Variants in NKPD1 observed in about 807,000 individuals in gnomAD.
NKPD1 encodes NTPase KAP family P-loop domain-containing protein 1.
In NKPD1, 37 loss-of-function variants were observed where a neutral mutation model predicts 42.2. That is an observed-to-expected ratio of 0.88 (90% CI 0.67 to 1.15). NKPD1 has a LOEUF of 1.15. Among genes scored for constraint, NKPD1 ranks in the 50% most tolerant of loss-of-function variants. The pLI, the probability that NKPD1 is intolerant of heterozygous loss-of-function variation, is 0.00. For missense variants in NKPD1, 1,113 were observed against 1,174.6 expected, an observed-to-expected ratio of 0.95 and a Z score of 0.77; for synonymous variants, 552 against 536.5, an observed-to-expected ratio of 1.03 and a Z score of -0.40.
Position 45,160,176 on chromosome 19 carries a change from G to A in NKPD1, c.-26C>T. The A allele has an allele frequency of 7.8e-7, 1 of 1,280,916 alleles. No homozygotes were observed. Among genetic ancestry groups the A allele is most frequent in the Non-Finnish European group, 1.0e-6 (1 of 967,676 alleles). 79.3% of individuals were successfully genotyped at this position (1,280,916 alleles called of 1,614,324 possible). ...GGCAGCCGGGCAGCTGGGTGCTGGG[G>A]GCCTGCTCCTGAGGCAGGAGGGAGC... On this transcript the variant is annotated 5_prime_UTR_variant, in exon 2 of 5. Coordinates refer to ENST00000686631, the MANE Select transcript of NKPD1 (RefSeq NM_198478.4).
intron 3 of NKPD1, among the ~76,000 whole-genome samples, chr19:45,156,857 A>T (rs530806790): frequency 2.8e-4 from 43 of 152,326 alleles, no homozygotes; most frequent in African/African-American, 1.0e-3. Flanking sequence ...ACCTGGCGGC[A>T]GAGCCAGGAG....
rs771847786 is a variant in NKPD1, at chr19:45,151,998, C to T, written c.2439G>A (p.Lys813=). Residue 813 remains lysine (K), a synonymous_variant, in exon 5 of 5, where the codon AAG becomes AAA. Coordinates refer to ENST00000686631, the MANE Select transcript of NKPD1 (RefSeq NM_198478.4). ...AGAGCGCACAGGCCACCGGCCATAG[C>T]TTGCCCCTGTGGGCCAAGTCCCCAG... is the stretch of plus-strand genomic sequence containing the variant. ...HHTGDLAHRG[K]LWPVACALFR... 3.4e-5 allele frequency: 54 copies of T among 1,609,628 alleles called. No homozygotes were observed. In the East Asian group the frequency reaches 1.2e-3, roughly 36 times the overall value.
In NKPD1 at chr19:45,152,982, C is replaced by A. The variant is rs768183003; in HGVS notation, c.1455G>T (p.Ala485=). The A allele has an allele frequency of 1.9e-6, 3 of 1,585,096 alleles. No individual in the cohort carries two copies. Among genetic ancestry groups the A allele is most frequent in the Non-Finnish European group, 2.6e-6 (3 of 1,164,852 alleles). Residue 485 remains alanine, a synonymous_variant, in exon 5 of 5, where the codon GCG becomes GCT. Coordinates refer to ENST00000686631, the MANE Select transcript of NKPD1 (RefSeq NM_198478.4). ...AINTLLSDSH[A]PFIFILVVDP... is the part of the protein sequence containing the mutation. ...CCACGACCAGGATGAAGATGAAGGG[C>A]GCGTGGCTGTCGGACAGCAGCGTGT...
chr19:45,155,756 C>T (rs762637872), intron 4 of NKPD1, 29 bp downstream of exon 4: 14 of 1,284,522 alleles, frequency 1.1e-5, no homozygotes, highest in Admixed American at 2.3e-5. Flanking sequence ...TTCTCATCCT[C>T]CCCCCAACAA....
In NKPD1 at chr19:45,158,243, G is replaced by A. The variant is rs7259404; in HGVS notation, c.529+420C>T. ...TTCCCATTGCTGACCTTTGCTCTCC[G>A]TTCCCCAGGCTACTCCCTAGCTCTG... On this transcript the variant is annotated intron_variant, in intron 3 of 4. Coordinates refer to ENST00000686631, the MANE Select transcript of NKPD1 (RefSeq NM_198478.4). This position sits in a 1 kb window ranked among gnomAD's most constrained non-coding sequence, Gnocchi z 4.6. Among the ~76,000 whole-genome samples the A allele has an allele frequency of 8.4e-3, 1,284 of 152,298 alleles. 24 individuals are homozygous for A. Among genetic ancestry groups the A allele is most frequent in the African/African-American group, 0.028 (1,180 of 41,556 alleles).
In NKPD1 at chr19:45,152,260, C is replaced by T. The variant is rs1376525288; in HGVS notation, c.2177G>A (p.Gly726Asp). 1 of 1,609,312 alleles carries T rather than the reference C, an allele frequency of 6.2e-7. No homozygotes were observed. Among genetic ancestry groups the T allele is most frequent in the Admixed American group, 1.7e-5 (1 of 59,710 alleles). ...GGCCACGGTGAAGGGGAAGTCGGCG[C>T]CCAGGAAGCGCTCGAAGAGCTCGGG... The part of the protein sequence containing the change: ...GDPELFERFL[G>D]ADFPFTVAEA... Residue 726 changes from glycine to aspartate, a missense_variant, in exon 5 of 5, where the codon GGC (glycine) becomes GAC (aspartate). Around this residue, in one of 3 missense-constraint regions of NKPD1, gnomAD observed 867 missense variants for 870.1 expected, o/e 1.00. Coordinates refer to ENST00000686631, the MANE Select transcript of NKPD1 (RefSeq NM_198478.4).
intron 3 of NKPD1, among the ~76,000 whole-genome samples, chr19:45,157,653 C>T (rs775182795): frequency 2.6e-5 from 4 of 151,232 alleles, no homozygotes; most frequent in South Asian, 2.1e-4. Flanking sequence ...TGGCCTCAAG[C>T]GATCCTCCTG....
chr19:45,152,511 C>A lies in NKPD1; in HGVS notation c.1926G>T (p.Gln642His). ...GCGGCGTGGGGCCCCCAAAGTCCCC[C>A]TGCTGCTGCTGCTGCTGCAGCAGGC... ...TVRLLQQQQQ[Q>H]GDFGGPTPRQ... is the part of the protein sequence containing the mutation. Residue 642 changes from glutamine to histidine, a missense_variant, in exon 5 of 5, where the codon CAG becomes CAT. Gln to His is a conservative substitution (Grantham distance 24). Around this residue, in one of 3 missense-constraint regions of NKPD1, gnomAD observed 867 missense variants for 870.1 expected, o/e 1.00. Transcript: ENST00000686631. 1 of 1,509,732 alleles carries A rather than the reference C, an allele frequency of 6.6e-7. No individual in the cohort carries two copies. Among genetic ancestry groups the A allele is most frequent in the Non-Finnish European group, 8.8e-7 (1 of 1,133,246 alleles). The allele number at this position is 1,509,732 out of a possible 1,614,324, so 93.5% of individuals were successfully genotyped here. A position where few individuals can be genotyped will look rare whatever the true frequency, so the allele number is the denominator to read the frequency against.
In NKPD1 at chr19:45,153,618, G is replaced by A. The variant is rs749981148; in HGVS notation, c.819C>T (p.Asn273=). ...IITEVHLRRR[N]VQFLFIRFSA... is the part of the protein sequence containing the mutation. ...TAAAGCGGATGAAAAGGAACTGCAC[G>A]TTCCTGCGCCGCAGGTGCACCTCGG... Residue 273 remains asparagine (N), a synonymous_variant, in exon 5 of 5, where the codon AAC becomes AAT. Coordinates refer to ENST00000686631, the MANE Select transcript of NKPD1 (RefSeq NM_198478.4). 3.8e-6 allele frequency: 6 copies of A among 1,577,778 alleles called. No homozygotes were observed. The highest frequency in any genetic ancestry group is 4.6e-5 in the East Asian group (2 of 43,618).
At chr19:45,162,516 G>A (rs1215869914), upstream of NKPD1, among the ~76,000 whole-genome samples, 1 of 152,158 alleles carries the variant, frequency 6.6e-6, no homozygotes. Flanking sequence ...GTGGGAGGGG[G>A]CAGCATAAGG....
At chr19:45,155,529 A>T (rs1490740349) in intron 4 of NKPD1, among the ~76,000 whole-genome samples, 1 of 152,234 alleles carries the variant, frequency 6.6e-6, no homozygotes, top group Non-Finnish European at 1.5e-5. Context: ...CAAGCACAGG[A>T]GGGACAGGGT....
rs1256053234 is a variant in NKPD1 at position 45,151,817 on chromosome 19, G to C, written c.*121C>G. 1 of 1,088,580 alleles carries C rather than the reference G, an allele frequency of 9.2e-7. No individual in the cohort carries two copies. The highest frequency in any genetic ancestry group is 3.2e-5 in the Admixed American group (1 of 31,258). 67.4% of individuals were successfully genotyped at this position (1,088,580 alleles called of 1,614,324 possible). A position where few individuals can be genotyped will look rare whatever the true frequency, so the allele number is the denominator to read the frequency against. On this transcript the variant is annotated 3_prime_UTR_variant, in exon 5 of 5. Coordinates refer to ENST00000686631, the MANE Select transcript of NKPD1 (RefSeq NM_198478.4). Reference sequence around the variant, plus strand: ...CCACGGCTCTGGCTCAGGTTCACCTGGGGGTGTGGGCCTCACAGGGCTCAT... The same window carrying C: ...CCACGGCTCTGGCTCAGGTTCACCTCGGGGTGTGGGCCTCACAGGGCTCAT...
chr19:45,159,607 GC>G (rs2122800375), intron 2 of NKPD1, among the ~76,000 whole-genome samples: 1 of 152,158 alleles, frequency 6.6e-6, no homozygotes, highest in African/African-American at 2.4e-5. Context: ...TCCAGCCCTC[GC>G]CCTAGCCCTG....
intron 4 of NKPD1, among the ~76,000 whole-genome samples, chr19:45,154,104 C>T (rs764143996): frequency 6.6e-6 from 1 of 152,014 alleles, no homozygotes; most frequent in Admixed American, 6.6e-5. Flanking sequence ...AGGCTGGAGG[C>T]GGAGCGAGGG....
In NKPD1 at chr19:45,153,366, C is replaced by T. The variant is rs1159788437; in HGVS notation, c.1071G>A (p.Leu357=). 2 of 1,566,444 alleles carry T rather than the reference C, an allele frequency of 1.3e-6. No individual in the cohort carries two copies. The highest frequency in any genetic ancestry group is 1.4e-5 in the African/African-American group (1 of 74,034). Residue 357 remains leucine (L), a synonymous_variant, in exon 5 of 5, where the codon CTG becomes CTA. Coordinates refer to ENST00000686631, the MANE Select transcript of NKPD1 (RefSeq NM_198478.4). The stretch of plus-strand genomic sequence containing the variant: ...CGTGGCCGCCCAGTGACAAGTAGAG[C>T]AGCCCCACACCCAGGCCCAGCGCCG... ...LLAALGLGVG[L]LYLSLGGHAL...
rs1968993024 is a variant in NKPD1, at chr19:45,160,946, C to T, written c.-93G>A. On this transcript the variant is annotated 5_prime_UTR_variant, in exon 1 of 5. Coordinates refer to ENST00000686631, the MANE Select transcript of NKPD1 (RefSeq NM_198478.4). ...GTACCTGACGGTGGCCTCACGGCCC[C>T]AGCTGCCTGCCCCACGAGCAGCTGC... 6.6e-6 allele frequency among the ~76,000 whole-genome samples: 1 copy of T among 152,132 alleles called. No individual in the cohort carries two copies. Among genetic ancestry groups the T allele is most frequent in the South Asian group, 2.1e-4 (1 of 4,828 alleles).
rs904615026 is a variant in NKPD1 at position 45,151,010 on chromosome 19, AT to A, written c.*927del. On this transcript the variant is annotated 3_prime_UTR_variant, in exon 5 of 5. Transcript: ENST00000686631. ...CCAGGGCCTGAGCGTGTGGCTGAAC[AT>A]TTGACCAGTGAGGAATCAGGAACTG... 7.2e-5 allele frequency: 11 copies of A among 152,484 alleles called. No homozygotes were observed. The highest frequency in any genetic ancestry group is 2.7e-4 in the African/African-American group (11 of 41,452). The allele number at this position is 152,484 out of a possible 1,614,324, so 9.4% of individuals were successfully genotyped here.
rs1428648758 is a variant in NKPD1, at chr19:45,150,933, T to C, written c.*1005A>G. Reference sequence around the variant, plus strand: ...CAGCCTCATCCCAGGGTATGTTCAGTGTTGGCCCTTGTGGCCCCTGCCGGC... The same window carrying C: ...CAGCCTCATCCCAGGGTATGTTCAGCGTTGGCCCTTGTGGCCCCTGCCGGC... On this transcript the variant is annotated 3_prime_UTR_variant, in exon 5 of 5. Coordinates refer to ENST00000686631, the MANE Select transcript of NKPD1 (RefSeq NM_198478.4). 1 of 152,292 alleles carries C rather than the reference T, an allele frequency of 6.6e-6. No individual in the cohort carries two copies. The highest frequency in any genetic ancestry group is 1.5e-5 in the Non-Finnish European group (1 of 68,098). The allele number at this position is 152,292 out of a possible 1,614,324, so 9.4% of individuals were successfully genotyped here. A position where few individuals can be genotyped will look rare whatever the true frequency, so the allele number is the denominator to read the frequency against.
At chr19:45,153,970 C>G in intron 4 of NKPD1, 195 bp from the exon 5 acceptor site, 2 of 511,426 alleles carry the variant, frequency 3.9e-6, no homozygotes, top group Non-Finnish European at 6.3e-6. Context: ...GGCCTGGAGC[C>G]GGGCTTGGAC....
Sources: gnomAD v4.1 joint callset for allele counts (sites outside exome capture counted in the v4.1 genomes callset) on GRCh38, gnomAD v4.1.1 for gene constraint, gnomAD v4.1.1 regional missense constraint, Gnocchi (gnomAD v3.1) non-coding constraint, MANE v1.5 for transcripts, NCBI Gene and HGNC (gene_info 2026-07-23, HGNC 2026-07-21) for gene names.